Variants in DYM observed in about 807,000 individuals in gnomAD.
DYM encodes the protein dymeclin, also known as dyggve-Melchior-Clausen syndrome protein.
A neutral mutation model predicts 93.1 loss-of-function variants in DYM; 78 were observed. The observed-to-expected ratio is 0.84, with a 90% confidence interval of 0.70 to 1.01. DYM has a LOEUF of 1.01. Among genes scored for constraint, DYM ranks in the 50% least tolerant of loss-of-function variants. DYM has a pLI of 0.00. For missense variants in DYM, 789 were observed against 845.0 expected (o/e 0.93, Z 0.82); for synonymous variants, 321 against 319.7 (o/e 1.00, Z -0.04).
At chr18:49,237,461 A>G (rs2093906106) in intron 13 of DYM, among the ~76,000 whole-genome samples, 1 of 152,226 alleles carries the variant, frequency 6.6e-6, no homozygotes, top group South Asian at 2.1e-4. Flanking sequence ...GTGTTATACA[A>G]CAAGACATCA....
chr18:49,417,718 G>A (rs1600095430), intron 2 of DYM, among the ~76,000 whole-genome samples: 1 of 152,182 alleles, frequency 6.6e-6, no homozygotes, highest in South Asian at 2.1e-4. Context: ...TGCATAAAAT[G>A]CAATTCTTCT....
intron 15 of DYM, among the ~76,000 whole-genome samples, chr18:49,145,637 G>A (rs773390249): frequency 3.9e-5 from 6 of 152,020 alleles, no homozygotes; most frequent in Non-Finnish European, 5.9e-5. Flanking sequence ...AACCTGTCCC[G>A]AGGATGCCTA....
chr18:49,182,049 T>G (rs1171954300), intron 14 of DYM, among the ~76,000 whole-genome samples: 1 of 152,236 alleles, frequency 6.6e-6, no homozygotes, highest in Non-Finnish European at 1.5e-5. Flanking sequence ...GTTTCTTCTT[T>G]GATTCATGGA....
intron 14 of DYM, among the ~76,000 whole-genome samples, chr18:49,189,062 T>C (rs2090722126): frequency 6.6e-6 from 1 of 152,050 alleles, no homozygotes; most frequent in African/African-American, 2.4e-5. Context: ...GAAAAAAAAC[T>C]AGATATCACA....
chr18:49,281,624 T>A (rs2094980280), intron 10 of DYM, among the ~76,000 whole-genome samples: 1 of 152,068 alleles, frequency 6.6e-6, no homozygotes, highest in Non-Finnish European at 1.5e-5. Context: ...TATGCAGCCA[T>A]AAAAAAGGAT....
chr18:49,039,941 C>A lies in DYM; in HGVS notation c.*4114G>T, dbSNP rs2070847434. On this transcript the variant is annotated 3_prime_UTR_variant, in exon 18 of 18. Transcript: ENST00000675505. ...GGTCTTCTCCCATACCTGGGTATTT[C>A]TGATTGCAACACTGCAGAAATAATT... 1 of 152,182 alleles carries A rather than the reference C, an allele frequency of 6.6e-6. No individual in the cohort carries two copies. Among genetic ancestry groups the A allele is most frequent in the Non-Finnish European group, 1.5e-5 (1 of 68,022 alleles). 9.4% of individuals were successfully genotyped at this position (152,182 alleles called of 1,614,324 possible).
At chr18:49,193,082 G>A (rs548878459) in intron 14 of DYM, among the ~76,000 whole-genome samples, 5 of 151,938 alleles carry the variant, frequency 3.3e-5, no homozygotes, top group Non-Finnish European at 7.4e-5. Flanking sequence ...AAATATCGAG[G>A]TGATGGATAT....
At chr18:49,336,566 T>C (rs901112327) in intron 6 of DYM, among the ~76,000 whole-genome samples, 1 of 152,220 alleles carries the variant, frequency 6.6e-6, no homozygotes, top group African/African-American at 2.4e-5. Flanking sequence ...CATGTGTGTC[T>C]TCCGTAGGCC....
intron 5 of DYM, among the ~76,000 whole-genome samples, chr18:49,371,774 A>T (rs2067066443): frequency 6.6e-6 from 1 of 152,212 alleles, no homozygotes; most frequent in African/African-American, 2.4e-5. Context: ...GCATGGACTA[A>T]TGGAAGAGCT....
intron 14 of DYM, among the ~76,000 whole-genome samples, chr18:49,192,719 C>T (rs2091093056): frequency 6.6e-6 from 1 of 151,582 alleles, no homozygotes. Flanking sequence ...AATGCTCCAG[C>T]TTTGTTCTTT....
At chr18:49,369,040 C>T (rs1190643548) in intron 5 of DYM, among the ~76,000 whole-genome samples, 2 of 152,256 alleles carry the variant, frequency 1.3e-5, no homozygotes, top group Non-Finnish European at 2.9e-5. Context: ...CAGAGCCTGC[C>T]AAACGGCGGT....
intron 8 of DYM, among the ~76,000 whole-genome samples, chr18:49,317,683 T>TCCTTC (rs1555690597): frequency 1.7e-4 from 22 of 130,174 alleles, no homozygotes; most frequent in African/African-American, 6.0e-4. Context: ...CTTCCTTCCT[T>TCCTTC]CCTTCCTTTC....
At chr18:49,097,750 G>T (rs924403030) in intron 16 of DYM, among the ~76,000 whole-genome samples, 1 of 152,134 alleles carries the variant, frequency 6.6e-6, no homozygotes, top group Non-Finnish European at 1.5e-5. Flanking sequence ...GTAGCCTCCT[G>T]AATTCTACTC....
At chr18:49,332,649 T>C (rs1316566047) in intron 7 of DYM, among the ~76,000 whole-genome samples, 1 of 152,218 alleles carries the variant, frequency 6.6e-6, no homozygotes, top group Non-Finnish European at 1.5e-5. Context: ...GATTCTTTAA[T>C]GTACTATTGA....
At chr18:49,212,872 T>C (rs1359814470) in intron 13 of DYM, among the ~76,000 whole-genome samples, 1 of 152,162 alleles carries the variant, frequency 6.6e-6, no homozygotes, top group Non-Finnish European at 1.5e-5. Flanking sequence ...TTTAAGATTA[T>C]GAGATTCAAA....
chr18:49,217,098 A>G (rs1333512132), intron 13 of DYM, among the ~76,000 whole-genome samples: 2 of 152,246 alleles, frequency 1.3e-5, no homozygotes, highest in African/African-American at 4.8e-5. Flanking sequence ...CGAGAACTAC[A>G]TGAAGAATGC....
intron 6 of DYM, among the ~76,000 whole-genome samples, chr18:49,348,646 C>T (rs1293404844): frequency 6.6e-6 from 1 of 151,720 alleles, no homozygotes. Context: ...CGGTGGCTCA[C>T]GCCTGTAATC....
chr18:49,238,749 G>A (rs2093947805), intron 13 of DYM, among the ~76,000 whole-genome samples: 1 of 150,136 alleles, frequency 6.7e-6, no homozygotes, highest in African/African-American at 2.5e-5. Flanking sequence ...CTGAGACCAT[G>A]CCATTGCACT....
intron 16 of DYM, among the ~76,000 whole-genome samples, chr18:49,118,491 G>A (rs180737420): frequency 1.6e-4 from 24 of 152,172 alleles, no homozygotes; most frequent in Non-Finnish European, 2.5e-4. Context: ...AATGCTCATG[G>A]TCTAAGTGTA....
Sources: allele counts gnomAD v4.1 joint callset (sites outside exome capture counted in the v4.1 genomes callset), GRCh38; gene constraint gnomAD v4.1.1; transcripts MANE v1.5; gene names NCBI Gene and HGNC (gene_info 2026-07-23, HGNC 2026-07-21).